GBE1: variants seen among roughly 807,000 people sequenced by gnomAD.
GBE1 encodes 1,4-alpha-glucan branching enzyme 1.
A neutral mutation model predicts 88.8 loss-of-function variants in GBE1; 70 were observed. The observed-to-expected ratio is 0.79, with a 90% CI of 0.65 to 0.96. The LOEUF is 0.96. Among genes scored for constraint, GBE1 ranks in the 40% least tolerant of loss-of-function variants. The pLI, the probability that GBE1 is intolerant of heterozygous loss-of-function variation, is 0.00. For missense variants in GBE1, 872 were observed against 871.0 expected, an observed-to-expected ratio of 1.00 and a Z score of -0.01; for synonymous variants, 284 against 300.1, an observed-to-expected ratio of 0.95 and a Z score of 0.56.
At chr3:81,594,963 A>G (rs761884519) in intron 7 of GBE1, among the ~76,000 whole-genome samples, 1 of 151,900 alleles carries the variant, frequency 6.6e-6, no homozygotes, top group African/African-American at 2.4e-5. Flanking sequence ...AAATTCATGT[A>G]TTTTTAAAAC....
chr3:81,576,308 T>C (rs370271686), intron 12 of GBE1, among the ~76,000 whole-genome samples: 1 of 152,068 alleles, frequency 6.6e-6, no homozygotes, highest in Non-Finnish European at 1.5e-5. Context: ...GATATGACCA[T>C]CCTGTTTTAG....
At chr3:81,637,151 A>G (rs904353778) in intron 7 of GBE1, among the ~76,000 whole-genome samples, 1 of 152,146 alleles carries the variant, frequency 6.6e-6, no homozygotes, top group Non-Finnish European at 1.5e-5. Flanking sequence ...CTGTAATAAA[A>G]TTTATGTGAA....
intron 3 of GBE1, among the ~76,000 whole-genome samples, chr3:81,653,239 G>A (rs1159826994): frequency 1.3e-5 from 2 of 152,102 alleles, no homozygotes; most frequent in Non-Finnish European, 2.9e-5. Context: ...TGAGATGGGA[G>A]GATCACTTGA....
rs553119112 is a variant in GBE1, at chr3:81,533,165, A to C, written c.1934+2030T>G. 5.9e-5 allele frequency among the ~76,000 whole-genome samples: 9 copies of C among 152,226 alleles called. No individual in the cohort carries two copies. The South Asian group carries it at 1.9e-3, about 32-fold the overall frequency. The stretch of plus-strand genomic sequence containing the variant: ...ATGTATTTTGGTTTGATTATATTGC[A>C]CTACCAAGTATAGAAGGGTTTAGTC... On this transcript the variant is annotated intron_variant, in intron 14 of 15. Transcript: ENST00000429644.
At chr3:81,709,700 C>T (rs1189614133) in intron 1 of GBE1, among the ~76,000 whole-genome samples, 1 of 152,076 alleles carries the variant, frequency 6.6e-6, no homozygotes, top group African/African-American at 2.4e-5. Flanking sequence ...CATGGAACCA[C>T]GATTATAGCA....
chr3:81,743,258 T>G (rs1025986533), intron 1 of GBE1, among the ~76,000 whole-genome samples: 1 of 152,152 alleles, frequency 6.6e-6, no homozygotes, highest in Non-Finnish European at 1.5e-5. Flanking sequence ...AGGCAAATAC[T>G]TCTAAAAATG....
chr3:81,720,815 T>C (rs944367981), intron 1 of GBE1, among the ~76,000 whole-genome samples: 6 of 150,456 alleles, frequency 4.0e-5, no homozygotes, highest in African/African-American at 1.5e-4. Context: ...TGTCCAACAA[T>C]GATAGACTGG....
At chr3:81,685,207 G>T (rs899224728) in intron 2 of GBE1, among the ~76,000 whole-genome samples, 2 of 152,000 alleles carry the variant, frequency 1.3e-5, no homozygotes, top group Admixed American at 6.5e-5. Context: ...CAGAGAAAAC[G>T]GGAGCCAGCA....
At chr3:81,546,013 T>C (rs1404797892) in intron 12 of GBE1, among the ~76,000 whole-genome samples, 1 of 152,150 alleles carries the variant, frequency 6.6e-6, no homozygotes, top group Non-Finnish European at 1.5e-5. Flanking sequence ...CATACTGTTA[T>C]AATAGTTCTA....
At position 81,625,772 on chromosome 3, in the gene GBE1, C is replaced by G. The variant is rs541702715; in HGVS notation, c.992+17009G>C. ...TTTATTTCTGGTTTTTGGCTATCTTCTTTCAAATATCACAAAGCTTAATCA... is the reference window on the plus strand; with the variant it reads ...TTTATTTCTGGTTTTTGGCTATCTTGTTTCAAATATCACAAAGCTTAATCA... On this transcript the variant is annotated intron_variant, in intron 7 of 15. Transcript: ENST00000429644. 2.0e-5 allele frequency among the ~76,000 whole-genome samples: 3 copies of G among 152,158 alleles called. No homozygotes were observed. The South Asian group carries it at 6.2e-4, about 32-fold the overall frequency.
chr3:81,509,665 G>T (rs1702699993), intron 14 of GBE1: 1 of 151,490 alleles, frequency 6.6e-6, no homozygotes, highest in Non-Finnish European at 1.5e-5. Flanking sequence ...TCTCCTCCTT[G>T]GGTTTTAATT....
intron 12 of GBE1, among the ~76,000 whole-genome samples, chr3:81,566,536 TA>T (rs1424749177): frequency 6.6e-6 from 1 of 152,206 alleles, no homozygotes; most frequent in Non-Finnish European, 1.5e-5. Flanking sequence ...GATCAATTTG[TA>T]CTCCTGATTA....
intron 12 of GBE1, among the ~76,000 whole-genome samples, chr3:81,553,368 A>G (rs893670352): frequency 6.6e-6 from 1 of 152,028 alleles, no homozygotes; most frequent in Non-Finnish European, 1.5e-5. Context: ...GTATTTAAAT[A>G]GCATTATGCT....
At chr3:81,502,881 T>C (rs542490103) in intron 14 of GBE1, among the ~76,000 whole-genome samples, 1 of 152,326 alleles carries the variant, frequency 6.6e-6, no homozygotes, top group East Asian at 1.9e-4. Flanking sequence ...ATACTTATTT[T>C]AAACTACCTT....
Position 81,747,335 on chromosome 3 carries a change from A to C in GBE1, c.143+14040T>G, listed in dbSNP as rs1244520553. Among the ~76,000 whole-genome samples the C allele has an allele frequency of 2.6e-5, 4 of 152,340 alleles. No individual in the cohort carries two copies. In the South Asian group the frequency reaches 8.3e-4, roughly 32 times the overall value. On this transcript the variant is annotated intron_variant, in intron 1 of 15. Transcript: ENST00000429644. ...CACAGACAGAAAGAAAATATGTGTA[A>C]ACCACAAATCTAACAAAGGATTTAT...
intron 1 of GBE1, among the ~76,000 whole-genome samples, chr3:81,722,915 T>TATATACAC (rs1347664692): frequency 6.9e-6 from 1 of 145,466 alleles, no homozygotes; most frequent in African/African-American, 2.5e-5. Context: ...TATATATATA[T>TATATACAC]ACACACAAGT....
chr3:81,615,658 C>T (rs1047948757), intron 7 of GBE1, among the ~76,000 whole-genome samples: 1 of 152,150 alleles, frequency 6.6e-6, no homozygotes, highest in African/African-American at 2.4e-5. Context: ...TATGGATGTA[C>T]TACACTCTGT....
intron 2 of GBE1, among the ~76,000 whole-genome samples, chr3:81,689,129 G>T (rs991348861): frequency 6.6e-6 from 1 of 152,084 alleles, no homozygotes; most frequent in Non-Finnish European, 1.5e-5. Context: ...CAAGAAAATT[G>T]AATCACTTTT....
chr3:81,642,612 T>C, intron 7 of GBE1, 169 bp downstream of exon 7: 2 of 556,012 alleles, frequency 3.6e-6, no homozygotes, highest in Non-Finnish European at 6.3e-6. Context: ...ATACCACAAA[T>C]ACATGTGCTA....
Sources: allele counts gnomAD v4.1 joint callset (sites outside exome capture counted in the v4.1 genomes callset), GRCh38; gene constraint gnomAD v4.1.1; transcripts MANE v1.5; gene names NCBI Gene and HGNC (gene_info 2026-07-23, HGNC 2026-07-21).